GALNTL6: variants seen among roughly 807,000 people sequenced by gnomAD.
GALNTL6 encodes polypeptide N-acetylgalactosaminyltransferase like 6.
A neutral mutation model predicts 73.7 loss-of-function variants in GALNTL6; 46 were observed. The observed-to-expected ratio is 0.62, with a 90% CI of 0.49 to 0.80. GALNTL6 has a LOEUF of 0.80. Ranked by LOEUF, GALNTL6 falls within the 30% of genes least tolerant of loss-of-function variation. The pLI is 0.00. For missense variants in GALNTL6, 604 were observed against 755.0 expected, an observed-to-expected ratio of 0.80 and a Z score of 2.34; for synonymous variants, 259 against 263.7, an observed-to-expected ratio of 0.98 and a Z score of 0.17.
intron 5 of GALNTL6, among the ~76,000 whole-genome samples, chr4:172,460,682 A>G (rs1464327482): frequency 6.6e-6 from 1 of 152,230 alleles, no homozygotes; most frequent in African/African-American, 2.4e-5. Context: ...ATCTCATGCC[A>G]GTTAGAATGG....
At chr4:172,482,280 G>A (rs538380432) in intron 5 of GALNTL6, among the ~76,000 whole-genome samples, 274 of 152,334 alleles carry the variant, frequency 1.8e-3, no homozygotes, top group Non-Finnish European at 2.8e-3. Flanking sequence ...CAAGCAGAGG[G>A]AGCTGGCTCC....
intron 5 of GALNTL6, among the ~76,000 whole-genome samples, chr4:172,763,899 CAAAT>C (rs1738252851): frequency 6.6e-6 from 1 of 150,462 alleles, no homozygotes; most frequent in Non-Finnish European, 1.5e-5. Context: ...GACTAATAAA[CAAAT>C]GAAGAACATT....
At chr4:172,344,061 C>T (rs1410577993) in intron 4 of GALNTL6, among the ~76,000 whole-genome samples, 3 of 152,084 alleles carry the variant, frequency 2.0e-5, no homozygotes, top group Non-Finnish European at 2.9e-5. Flanking sequence ...CCTATTTCAA[C>T]ACGTTTTAGT....
intron 2 of GALNTL6, among the ~76,000 whole-genome samples, chr4:172,140,285 G>A (rs1258552735): frequency 6.6e-6 from 1 of 151,968 alleles, no homozygotes; most frequent in Non-Finnish European, 1.5e-5. Flanking sequence ...CATTCAGCAA[G>A]AAAATGAATT....
chr4:172,325,312 T>G (rs1169713289), intron 4 of GALNTL6, among the ~76,000 whole-genome samples: 1 of 151,984 alleles, frequency 6.6e-6, no homozygotes, highest in East Asian at 1.9e-4. Context: ...TCTGTGGAAC[T>G]ATAAAACATT....
At chr4:172,320,259 C>T (rs1740711654) in intron 4 of GALNTL6, among the ~76,000 whole-genome samples, 1 of 152,016 alleles carries the variant, frequency 6.6e-6, no homozygotes, top group African/African-American at 2.4e-5. Context: ...GTGATGCAAG[C>T]AGAGAGGTTC....
intron 2 of GALNTL6, among the ~76,000 whole-genome samples, chr4:171,958,443 T>G (rs539191677): frequency 6.6e-6 from 1 of 151,956 alleles, no homozygotes; most frequent in Non-Finnish European, 1.5e-5. Flanking sequence ...AAAATTTTTG[T>G]TTTTTTAACA....
intron 8 of GALNTL6, among the ~76,000 whole-genome samples, chr4:172,886,351 A>C (rs1745717652): frequency 6.6e-6 from 1 of 152,164 alleles, no homozygotes; most frequent in Non-Finnish European, 1.5e-5. Flanking sequence ...GGTCTCTAAC[A>C]ATCCTTTGTA....
chr4:172,502,736 C>G (rs1734305068), intron 5 of GALNTL6, among the ~76,000 whole-genome samples: 1 of 152,178 alleles, frequency 6.6e-6, no homozygotes, highest in African/African-American at 2.4e-5. Context: ...ACACTGTATT[C>G]TAGAAGAACA....
At chr4:172,851,254 A>C (rs1288474613) in intron 7 of GALNTL6, among the ~76,000 whole-genome samples, 1 of 152,098 alleles carries the variant, frequency 6.6e-6, no homozygotes, top group Non-Finnish European at 1.5e-5. Context: ...ACAGGTCTTA[A>C]AAGCTCTGTG....
intron 5 of GALNTL6, among the ~76,000 whole-genome samples, chr4:172,515,350 C>T (rs564564353): frequency 6.6e-6 from 1 of 152,344 alleles, no homozygotes; most frequent in African/African-American, 2.4e-5. Flanking sequence ...CTGTTCGCAT[C>T]CTGTACTTGA....
rs557576266 is a variant in GALNTL6, at chr4:172,999,167, C to T, written c.1372-10011C>T. Among the ~76,000 whole-genome samples the T allele has an allele frequency of 9.9e-5, 15 of 152,198 alleles. No individual in the cohort carries two copies. In the East Asian group the frequency reaches 2.7e-3, roughly 27 times the overall value. On this transcript the variant is annotated intron_variant, in intron 10 of 12. Coordinates refer to ENST00000506823, the MANE Select transcript of GALNTL6 (RefSeq NM_001034845.3). ...TCCCACGCCAAGGTTGAGATTCAGGCCTCATTTGATGTGGTGTGGCTGTCA... is the reference window on the plus strand; with the variant it reads ...TCCCACGCCAAGGTTGAGATTCAGGTCTCATTTGATGTGGTGTGGCTGTCA...
At chr4:172,455,590 G>A (rs771346896) in intron 5 of GALNTL6, among the ~76,000 whole-genome samples, 31 of 152,256 alleles carry the variant, frequency 2.0e-4, no homozygotes, top group East Asian at 1.7e-3. Flanking sequence ...CAAAGCCACC[G>A]GGAAGTTTGG....
At chr4:172,389,935 T>C (rs1385742558) in intron 5 of GALNTL6, among the ~76,000 whole-genome samples, 1 of 152,110 alleles carries the variant, frequency 6.6e-6, no homozygotes, top group African/African-American at 2.4e-5. Context: ...AATGATACCT[T>C]TATGTTCCCA....
intron 10 of GALNTL6, among the ~76,000 whole-genome samples, chr4:172,992,848 C>T (rs897602183): frequency 3.9e-5 from 6 of 152,098 alleles, no homozygotes; most frequent in Non-Finnish European, 8.8e-5. Flanking sequence ...GTCATCGGAT[C>T]GCTAAGCAAG....
chr4:172,826,470 A>C (rs1742274026), intron 7 of GALNTL6, among the ~76,000 whole-genome samples: 1 of 152,222 alleles, frequency 6.6e-6, no homozygotes. Flanking sequence ...TCCTTTGCCC[A>C]ACCCCCAGCC....
At chr4:172,698,771 G>A (rs937333987) in intron 5 of GALNTL6, among the ~76,000 whole-genome samples, 1 of 152,098 alleles carries the variant, frequency 6.6e-6, no homozygotes, top group Non-Finnish European at 1.5e-5. Flanking sequence ...TAAAAGCAAA[G>A]AGGTGAGATA....
intron 2 of GALNTL6, among the ~76,000 whole-genome samples, chr4:171,830,333 A>T (rs1053202951): frequency 4.6e-5 from 7 of 152,182 alleles, no homozygotes; most frequent in African/African-American, 1.7e-4. Flanking sequence ...CAGCAATCCC[A>T]GGAAGCTCAT....
chr4:172,087,443 C>T (rs2130999), intron 2 of GALNTL6, among the ~76,000 whole-genome samples: 87,004 of 116,780 alleles, frequency 0.75, 29,676 homozygotes, highest in African/African-American at 0.78. Flanking sequence ...AGACTCCATC[C>T]CAAAAAAAAA....
Sources: allele counts gnomAD v4.1 joint callset (sites outside exome capture counted in the v4.1 genomes callset), GRCh38; gene constraint gnomAD v4.1.1; transcripts MANE v1.5; gene names NCBI Gene and HGNC (gene_info 2026-07-23, HGNC 2026-07-21).